Variants in MEMO1 observed in about 807,000 individuals in gnomAD.
The protein encoded by MEMO1 is mediator of cell motility 1, also known as protein MEMO1.
A neutral mutation model predicts 45.2 loss-of-function variants in MEMO1; 6 were observed. The ratio of observed to expected loss-of-function variants is 0.13; its 90% confidence interval spans 0.07 to 0.26. MEMO1 has a LOEUF of 0.26. MEMO1 is among the 10% of genes least tolerant of loss of function. MEMO1 has a pLI of 1.00. For missense variants in MEMO1, 184 were observed against 370.5 expected (o/e 0.50, Z 4.13); for synonymous variants, 78 against 124.3 (o/e 0.63, Z 2.48).
At chr2:31,894,134 T>C (rs1031419731) in intron 6 of MEMO1, among the ~76,000 whole-genome samples, 2 of 152,076 alleles carry the variant, frequency 1.3e-5, no homozygotes, top group Admixed American at 1.3e-4. Flanking sequence ...AAAACAACCA[T>C]CTTTGTGTTA....
intron 8 of MEMO1, among the ~76,000 whole-genome samples, chr2:31,871,678 A>C (rs1222920017): frequency 6.6e-6 from 1 of 152,120 alleles, no homozygotes; most frequent in Non-Finnish European, 1.5e-5. Context: ...CTCTCCACCG[A>C]CACTTGGTAT....
intron 4 of MEMO1, among the ~76,000 whole-genome samples, chr2:31,930,193 C>A (rs1176429472): frequency 1.3e-5 from 2 of 152,144 alleles, no homozygotes; most frequent in East Asian, 3.9e-4. Context: ...AACCTGGGGG[C>A]AGAAGTTGCA....
chr2:31,981,337 G>C (rs922248847), intron 2 of MEMO1, among the ~76,000 whole-genome samples: 1 of 152,114 alleles, frequency 6.6e-6, no homozygotes, highest in Non-Finnish European at 1.5e-5. Context: ...TGCAGCAGTT[G>C]GGACTTTTAT....
At chr2:31,992,452 C>T (rs951390207) in intron 2 of MEMO1, among the ~76,000 whole-genome samples, 1 of 152,142 alleles carries the variant, frequency 6.6e-6, no homozygotes, top group Non-Finnish European at 1.5e-5. Flanking sequence ...TCTCATATCA[C>T]AATACATTCC....
intron 2 of MEMO1, among the ~76,000 whole-genome samples, chr2:31,982,791 G>C (rs780202781): frequency 1.3e-5 from 2 of 152,010 alleles, no homozygotes; most frequent in Non-Finnish European, 2.9e-5. Flanking sequence ...TACTGGCATT[G>C]AACAAATAGG....
intron 6 of MEMO1, among the ~76,000 whole-genome samples, chr2:31,896,303 A>G (rs1003756784): frequency 2.0e-5 from 3 of 152,208 alleles, no homozygotes; most frequent in Non-Finnish European, 4.4e-5. Flanking sequence ...AAACTTAATT[A>G]AAATTGGATC....
chr2:31,896,232 A>G (rs1457877633), intron 6 of MEMO1, among the ~76,000 whole-genome samples: 1 of 152,184 alleles, frequency 6.6e-6, no homozygotes, highest in Non-Finnish European at 1.5e-5. Flanking sequence ...CTGCATATCC[A>G]TACACCAAAA....
chr2:31,869,762 C>A, intron 9 of MEMO1, 86 bp downstream of exon 9: 6 of 1,403,856 alleles, frequency 4.3e-6, no homozygotes, highest in Non-Finnish European at 5.7e-6. Context: ...TACATAAAAC[C>A]AATGATGCCA....
intron 2 of MEMO1, among the ~76,000 whole-genome samples, chr2:31,969,917 A>G (rs1669181011): frequency 6.6e-6 from 1 of 151,314 alleles, no homozygotes; most frequent in African/African-American, 2.4e-5. Context: ...TAAATTTTCT[A>G]TAACTTACCT....
intron 2 of MEMO1, among the ~76,000 whole-genome samples, chr2:31,984,118 G>C (rs1041891350): frequency 6.6e-6 from 1 of 152,188 alleles, no homozygotes; most frequent in East Asian, 1.9e-4. Context: ...GTGTGGGTTG[G>C]ACTTCAGCGA....
intron 2 of MEMO1, among the ~76,000 whole-genome samples, chr2:31,988,037 T>G (rs1671482132): frequency 6.6e-6 from 1 of 152,112 alleles, no homozygotes; most frequent in African/African-American, 2.4e-5. Flanking sequence ...GGAGTCAGTA[T>G]GTACAGAGAG....
chr2:31,916,130 C>A (rs1681398931), intron 6 of MEMO1, among the ~76,000 whole-genome samples: 1 of 152,122 alleles, frequency 6.6e-6, no homozygotes, highest in Non-Finnish European at 1.5e-5. Flanking sequence ...AAATGTTCCA[C>A]AATATACATG....
At chr2:31,981,792 G>A (rs1478126929) in intron 2 of MEMO1, among the ~76,000 whole-genome samples, 2 of 152,070 alleles carry the variant, frequency 1.3e-5, no homozygotes, top group African/African-American at 4.8e-5. Context: ...CTACAAACAG[G>A]CATAATGACA....
At chr2:31,914,803 T>C (rs1337295503) in intron 6 of MEMO1, among the ~76,000 whole-genome samples, 1 of 151,030 alleles carries the variant, frequency 6.6e-6, no homozygotes, top group Non-Finnish European at 1.5e-5. Flanking sequence ...AAAAAAGTTT[T>C]TAAAATTAGC....
At position 31,881,883 on chromosome 2, in the gene MEMO1, C is replaced by T. The variant is rs188647040; in HGVS notation, c.657+1503G>A. Among the ~76,000 whole-genome samples, 4 of 152,252 alleles carry T rather than the reference C, an allele frequency of 2.6e-5. No individual in the cohort carries two copies. The East Asian group carries it at 7.7e-4, about 29-fold the overall frequency. On this transcript the variant is annotated intron_variant, in intron 8 of 9. Coordinates refer to ENST00000404530, the MANE Select transcript of MEMO1 (RefSeq NM_001301833.4). ...AAAAAGCTGGGTGCGGTGTCACATGCCTGTAATCCCAGGACTTTTGAGAGG... is the reference window on the plus strand; with the variant it reads ...AAAAAGCTGGGTGCGGTGTCACATGTCTGTAATCCCAGGACTTTTGAGAGG...
chr2:32,009,989 G>A (rs922780003), intron 2 of MEMO1, among the ~76,000 whole-genome samples, 198 bp downstream of exon 2: 2 of 150,408 alleles, frequency 1.3e-5, no homozygotes, highest in African/African-American at 2.4e-5. Flanking sequence ...TGCCGGCGCG[G>A]GATGCCCGCC....
intron 3 of MEMO1, among the ~76,000 whole-genome samples, chr2:31,933,633 G>A (rs1322663919): frequency 6.6e-6 from 1 of 151,828 alleles, no homozygotes; most frequent in African/African-American, 2.4e-5. Context: ...TGGAGAAAAT[G>A]AGACTCACAG....
intron 1 of MEMO1, among the ~76,000 whole-genome samples, chr2:32,010,711 C>A (rs1418612100): frequency 1.3e-5 from 2 of 150,004 alleles, no homozygotes; most frequent in Non-Finnish European, 3.0e-5. Flanking sequence ...CGCACCCACC[C>A]CCACCCCCGG....
At chr2:31,928,560 AAAAG>A (rs1279337832) in intron 4 of MEMO1, among the ~76,000 whole-genome samples, 76 of 151,600 alleles carry the variant, frequency 5.0e-4, no homozygotes, top group East Asian at 3.1e-3. Context: ...AAAAAAAAAA[AAAAG>A]AAGAAGAAAA....
Sources: allele counts gnomAD v4.1 joint callset (sites outside exome capture counted in the v4.1 genomes callset), GRCh38; gene constraint gnomAD v4.1.1; transcripts MANE v1.5; gene names NCBI Gene and HGNC (gene_info 2026-07-23, HGNC 2026-07-21).